NCOA2: variants seen among roughly 807,000 people sequenced by gnomAD.
The protein encoded by NCOA2 is class E basic helix-loop-helix protein 75.
A neutral mutation model predicts 145.1 loss-of-function variants in NCOA2; 21 were observed. The ratio of observed to expected loss-of-function variants is 0.14; its 90% CI spans 0.10 to 0.21. The LOEUF is 0.21. Ranked by LOEUF, NCOA2 falls within the 10% of genes least tolerant of loss-of-function variation. The pLI, the probability that NCOA2 is intolerant of heterozygous loss-of-function variation, is 1.00. For synonymous variants in NCOA2, 619 were observed against 637.5 expected (o/e 0.97, Z 0.44); for missense variants, 1,472 against 1,837.6 (o/e 0.80, Z 3.64).
chr8:70,387,543 C>T (rs1563834388), intron 1 of NCOA2, among the ~76,000 whole-genome samples: 1 of 152,118 alleles, frequency 6.6e-6, no homozygotes, highest in Non-Finnish European at 1.5e-5. Context: ...CTGTGACAGA[C>T]AGATGGTGGC....
At chr8:70,435,745 CTTTCT>C in the NCOA2 span, among the ~76,000 whole-genome samples, 1 of 150,976 alleles carries the variant, frequency 6.6e-6, no homozygotes, top group Non-Finnish European at 1.5e-5. Context: ...ATCTTCCTCT[CTTTCT>C]TTTCTTTATT....
rs970813581 is a variant in NCOA2 at position 70,342,503 on chromosome 8, C to T, written c.-76-45703G>A. Among the ~76,000 whole-genome samples the T allele has an allele frequency of 3.9e-5, 6 of 152,052 alleles. No individual in the cohort carries two copies. In the East Asian group the frequency reaches 9.7e-4, roughly 24 times the overall value. ...ATTAAATTACTTTTATGTTAAAATG[C>T]TTTTGGTTTAATACTGCATTAAATA... On this transcript the variant is annotated intron_variant, in intron 1 of 22. Coordinates refer to ENST00000452400, the MANE Select transcript of NCOA2 (RefSeq NM_006540.4).
intron 1 of NCOA2, among the ~76,000 whole-genome samples, chr8:70,309,646 T>C (rs79339601): frequency 0.055 from 8,351 of 152,048 alleles, 299 homozygotes; most frequent in East Asian, 0.16. Flanking sequence ...ATTTTTTTTT[T>C]CCCCACAAAA....
At chr8:70,144,542 TA>T in intron 13 of NCOA2, 99 bp downstream of exon 13, 1 of 964,494 alleles carries the variant, frequency 1.0e-6, no homozygotes, top group Non-Finnish European at 1.6e-6. Context: ...TTTTCTAACA[TA>T]AAAAGTTCAC....
At chr8:70,417,711 C>T in the NCOA2 span, among the ~76,000 whole-genome samples, 1 of 152,102 alleles carries the variant, frequency 6.6e-6, no homozygotes, top group Non-Finnish European at 1.5e-5. Context: ...TCTAAGTAAG[C>T]CATTAGTAGT....
At chr8:70,370,222 G>A (rs1038805585) in intron 1 of NCOA2, among the ~76,000 whole-genome samples, 1 of 152,032 alleles carries the variant, frequency 6.6e-6, no homozygotes, top group African/African-American at 2.4e-5. Flanking sequence ...AAGAAAAGGC[G>A]AGAGCAATTA....
chr8:70,323,439 T>C (rs1806267752), intron 1 of NCOA2, among the ~76,000 whole-genome samples: 2 of 152,032 alleles, frequency 1.3e-5, no homozygotes, highest in Admixed American at 6.6e-5. Context: ...GAACACAGGA[T>C]GAAACATAAG....
intron 2 of NCOA2, among the ~76,000 whole-genome samples, chr8:70,261,921 G>GA (rs1824169945): frequency 6.6e-6 from 1 of 152,026 alleles, no homozygotes; most frequent in Non-Finnish European, 1.5e-5. Flanking sequence ...GATGAGGGGG[G>GA]AAAAGTGGAT....
At chr8:70,315,511 T>C (rs1020070960) in intron 1 of NCOA2, among the ~76,000 whole-genome samples, 5 of 152,182 alleles carry the variant, frequency 3.3e-5, no homozygotes, top group Non-Finnish European at 7.4e-5. Context: ...TTCCAAACAT[T>C]TTAACTACCC....
intron 4 of NCOA2, among the ~76,000 whole-genome samples, chr8:70,203,593 T>C (rs184065934): frequency 1.7e-4 from 25 of 151,256 alleles, no homozygotes; most frequent in Admixed American, 1.2e-3. Context: ...AAAAAAGAAA[T>C]AAGAAAGAAA....
chr8:70,392,844 G>C (rs867507910), intron 1 of NCOA2, among the ~76,000 whole-genome samples: 9 of 152,216 alleles, frequency 5.9e-5, no homozygotes, highest in African/African-American at 1.7e-4. Context: ...TTTTACTGAA[G>C]TGACAAAGCC....
At chr8:70,216,092 G>GA (rs1819595698) in intron 3 of NCOA2, among the ~76,000 whole-genome samples, 1 of 152,042 alleles carries the variant, frequency 6.6e-6, no homozygotes, top group Admixed American at 6.5e-5. Flanking sequence ...TATATAATAG[G>GA]AAAATTCCTA....
the NCOA2 span, among the ~76,000 whole-genome samples, chr8:70,454,891 C>G: frequency 6.6e-6 from 1 of 152,108 alleles, no homozygotes; most frequent in Non-Finnish European, 1.5e-5. Flanking sequence ...GATCATTTCC[C>G]CATCAAAACC....
At chr8:70,361,041 G>C (rs1223868686) in intron 1 of NCOA2, among the ~76,000 whole-genome samples, 1 of 151,812 alleles carries the variant, frequency 6.6e-6, no homozygotes, top group Non-Finnish European at 1.5e-5. Flanking sequence ...TTTCTAAAAG[G>C]CCAAATTAAA....
chr8:70,336,849 T>C (rs1807643228), intron 1 of NCOA2, among the ~76,000 whole-genome samples: 1 of 152,126 alleles, frequency 6.6e-6, no homozygotes, highest in Non-Finnish European at 1.5e-5. Context: ...ATTCATCCAC[T>C]GATGGACACC....
chr8:70,138,629 G>A (rs1263377459), intron 14 of NCOA2, among the ~76,000 whole-genome samples: 1 of 152,008 alleles, frequency 6.6e-6, no homozygotes, highest in East Asian at 1.9e-4. Flanking sequence ...TTACTGTACT[G>A]GAAATTGAAA....
intron 1 of NCOA2, among the ~76,000 whole-genome samples, chr8:70,306,235 GC>G (rs1827879870): frequency 1.3e-5 from 2 of 152,110 alleles, no homozygotes; most frequent in Admixed American, 1.3e-4. Context: ...GAAATCTGGG[GC>G]TCAAAGAGAT....
chr8:70,157,024 C>A lies in NCOA2; in HGVS notation c.1341G>T (p.Met447Ile). ...PMGRFGGSGGMNHVSGMQATT... is the reference protein window; with the variant it reads ...PMGRFGGSGGINHVSGMQATT... ...TTGCTTGCATGCCTGACACATGGTT[C>A]ATTCCCCCAGAACCACCAAACCTGC... The change falls in exon 11 of 23, where the codon ATG becomes ATT. Residue 447 changes from methionine to isoleucine, a missense_variant. By Grantham distance (10) the Met-to-Ile change is conservative. Around this residue, in one of 4 missense-constraint regions of NCOA2, gnomAD observed 953 missense variants for 1,062.1 expected, o/e 0.90. Coordinates refer to ENST00000452400, the MANE Select transcript of NCOA2 (RefSeq NM_006540.4). 3 of 1,614,042 alleles carry A rather than the reference C, an allele frequency of 1.9e-6. No homozygotes were observed. The highest frequency in any genetic ancestry group is 8.5e-7 in the Non-Finnish European group (1 of 1,179,904).
In NCOA2 at chr8:70,216,448, G is replaced by T. The variant is rs190738017; in HGVS notation, c.86+212C>A. On this transcript the variant is annotated intron_variant, in intron 3 of 22. Transcript: ENST00000452400. ...TTCTAAGAGTCAAAAGATATCAGAAGTTTACAGCTTTCCTCTTTTTGTAAA... is the reference window on the plus strand; with the variant it reads ...TTCTAAGAGTCAAAAGATATCAGAATTTTACAGCTTTCCTCTTTTTGTAAA... Among the ~76,000 whole-genome samples the T allele has an allele frequency of 3.4e-4, 51 of 152,222 alleles. 1 individual carries two copies. In the East Asian group the frequency reaches 4.6e-3, roughly 14 times the overall value.
Sources: gnomAD v4.1 joint callset for allele counts (sites outside exome capture counted in the v4.1 genomes callset) on GRCh38, gnomAD v4.1.1 for gene constraint, gnomAD v4.1.1 regional missense constraint, MANE v1.5 for transcripts, NCBI Gene and HGNC (gene_info 2026-07-23, HGNC 2026-07-21) for gene names.